Variants in SLC9A7 observed in about 807,000 individuals in gnomAD.
SLC9A7 encodes the protein sodium/hydrogen exchanger 7.
SLC9A7 carries 19 observed loss-of-function variants against 52.6 expected under a neutral mutation model. The ratio of observed to expected loss-of-function variants is 0.36; its 90% CI spans 0.25 to 0.53. The LOEUF is 0.53. Among genes scored for constraint, SLC9A7 ranks in the 20% least tolerant of loss-of-function variants. The pLI, the probability that SLC9A7 is intolerant of heterozygous loss-of-function variation, is 0.91. For missense variants in SLC9A7, 455 were observed against 597.9 expected, an observed-to-expected ratio of 0.76 and a Z score of 2.49; for synonymous variants, 226 against 252.1, an observed-to-expected ratio of 0.90 and a Z score of 0.98.
intron 14 of SLC9A7, among the ~76,000 whole-genome samples, chrX:46,627,214 C>T (rs773263623): frequency 9.7e-4 from 107 of 110,025 alleles, no homozygotes; most frequent in Middle Eastern, 4.6e-3. Flanking sequence ...CTCAGGAGGC[C>T]GAGGGAGGAG....
chrX:46,668,325 C>G (rs1943955515), intron 5 of SLC9A7, among the ~76,000 whole-genome samples: 1 of 111,261 alleles, frequency 9.0e-6, no homozygotes, highest in African/African-American at 3.3e-5. Flanking sequence ...GACTGACCAA[C>G]ATGGAGAAAC....
chrX:46,600,729 G>A lies in SLC9A7; in HGVS notation c.*6223C>T, dbSNP rs993830537. On this transcript the variant is annotated 3_prime_UTR_variant, in exon 17 of 17. Coordinates refer to ENST00000616978, the MANE Select transcript of SLC9A7 (RefSeq NM_001257291.2). ...CTTGTTTTGAAAGGATTGTTGATGA[G>A]TCTACTTGCTTTTCCTAGTTAAGAC... 1 of 112,133 alleles carries A rather than the reference G, an allele frequency of 8.9e-6. No individual in the cohort carries two copies. Among genetic ancestry groups the A allele is most frequent in the Non-Finnish European group, 1.9e-5 (1 of 53,243 alleles). The allele number at this position is 112,133 out of a possible 1,213,427, so 9.2% of individuals were successfully genotyped here. A position where few individuals can be genotyped will look rare whatever the true frequency, so the allele number is the denominator to read the frequency against.
At chrX:46,620,360 G>A (rs1943025324) in intron 15 of SLC9A7, among the ~76,000 whole-genome samples, 1 of 111,785 alleles carries the variant, frequency 8.9e-6, no homozygotes, top group Admixed American at 9.5e-5. Context: ...GGGGAAGGTT[G>A]CAGTGAGCTG....
rs1426128895 is a variant in SLC9A7 at position 46,746,724 on chromosome X, C to CACAA, written c.325+11980_325+11981insTTGT. Among the ~76,000 whole-genome samples the CACAA allele has an allele frequency of 2.7e-5, 3 of 112,279 alleles. No homozygotes were observed. In the Admixed American group the frequency reaches 2.8e-4, roughly 11 times the overall value. ...ATATTAATACAATCACTATGGAGAA[C>CACAA]AGTTTGGAGGTTCCTCAAGAACTAA... On this transcript the variant is annotated intron_variant, in intron 1 of 16. Coordinates refer to ENST00000616978, the MANE Select transcript of SLC9A7 (RefSeq NM_001257291.2).
intron 5 of SLC9A7, among the ~76,000 whole-genome samples, chrX:46,665,811 T>C (rs1294502251): frequency 9.2e-6 from 1 of 108,666 alleles, no homozygotes; most frequent in East Asian, 2.9e-4. Flanking sequence ...GTGGCATGTG[T>C]TCTCTGGTGG....
At chrX:46,637,073 TTAATA>T (rs1303919632) in intron 12 of SLC9A7, among the ~76,000 whole-genome samples, 1 of 112,477 alleles carries the variant, frequency 8.9e-6, no homozygotes, top group Non-Finnish European at 1.9e-5. Flanking sequence ...ATTAATACTA[TTAATA>T]TAACAGCTAA....
intron 2 of SLC9A7, among the ~76,000 whole-genome samples, chrX:46,681,685 A>G (rs1440833735): frequency 8.9e-6 from 1 of 112,029 alleles, no homozygotes; most frequent in Non-Finnish European, 1.9e-5. Flanking sequence ...AATGGAGTAT[A>G]CATCAATTAA....
At chrX:46,636,725 G>A (rs1312745595) in intron 12 of SLC9A7, among the ~76,000 whole-genome samples, 1 of 111,311 alleles carries the variant, frequency 9.0e-6, no homozygotes, top group Admixed American at 9.5e-5. Context: ...GCAGATCTGT[G>A]ATATTCAAAT....
intron 12 of SLC9A7, among the ~76,000 whole-genome samples, chrX:46,640,935 G>A (rs1396297201): frequency 8.9e-6 from 1 of 112,128 alleles, no homozygotes; most frequent in Non-Finnish European, 1.9e-5. Context: ...CACTGCTGGT[G>A]GGAATGTACA....
intron 14 of SLC9A7, among the ~76,000 whole-genome samples, chrX:46,630,170 G>T (rs1693632414): frequency 9.0e-6 from 1 of 111,413 alleles, no homozygotes. Context: ...CACCCTTAAA[G>T]AGAAAGAAAC....
chrX:46,732,553 GA>G (rs201154560), intron 1 of SLC9A7, among the ~76,000 whole-genome samples: 2,235 of 89,266 alleles, frequency 0.025, 55 homozygotes, highest in African/African-American at 0.08. Flanking sequence ...ACTGTCTCAA[GA>G]AAAAAAAAAA....
chrX:46,672,757 A>T, intron 3 of SLC9A7, 130 bp from the exon 4 acceptor site: 2 of 471,929 alleles, frequency 4.2e-6, no homozygotes, highest in Non-Finnish European at 7.2e-6. Context: ...GTAACAACTG[A>T]AGTTACTCCT....
At position 46,611,264 on chromosome X, in the gene SLC9A7, CCTT is replaced by C. The variant is rs776617672; in HGVS notation, c.1929+2022_1929+2024del. On this transcript the variant is annotated intron_variant, in intron 16 of 16. Coordinates refer to ENST00000616978, the MANE Select transcript of SLC9A7 (RefSeq NM_001257291.2). ...AAGTTTTTAATCTATTGGTTTGTGT[CCTT>C]CTAACCTAACAGGTAACTAGCATTA... 9.3e-4 allele frequency among the ~76,000 whole-genome samples: 104 copies of C among 112,130 alleles called. 1 individual carries two copies. Among genetic ancestry groups the C allele is most frequent in the African/African-American group, 3.3e-3 (101 of 30,897 alleles).
At chrX:46,683,214 A>G (rs756123627) in intron 1 of SLC9A7, among the ~76,000 whole-genome samples, 3 of 109,781 alleles carry the variant, frequency 2.7e-5, no homozygotes, top group Non-Finnish European at 3.8e-5. Context: ...CCAGGACAGC[A>G]CAAAGCAGAA....
intron 14 of SLC9A7, among the ~76,000 whole-genome samples, chrX:46,627,947 C>T (rs1438242394): frequency 8.9e-6 from 1 of 112,079 alleles, no homozygotes; most frequent in Non-Finnish European, 1.9e-5. Flanking sequence ...TTCTAACTTG[C>T]TCAGAAAGTC....
intron 3 of SLC9A7, 137 bp from the exon 4 acceptor site, chrX:46,672,764 T>C (rs1377965247): frequency 2.2e-6 from 1 of 450,886 alleles, no homozygotes; most frequent in Admixed American, 4.0e-5. Flanking sequence ...CTGAAGTTAC[T>C]CCTATATGGT....
chrX:46,615,541 A>C (rs1417256853), intron 15 of SLC9A7, among the ~76,000 whole-genome samples: 1 of 109,824 alleles, frequency 9.1e-6, no homozygotes, highest in Non-Finnish European at 1.9e-5. Context: ...GAACTCAGAG[A>C]CTGCTTTTCA....
chrX:46,701,167 T>C (rs903613833), intron 1 of SLC9A7, among the ~76,000 whole-genome samples: 1 of 112,014 alleles, frequency 8.9e-6, no homozygotes, highest in Non-Finnish European at 1.9e-5. Flanking sequence ...TTAGAAGTTT[T>C]ATCATAGGCA....
Position 46,651,356 on chromosome X carries a change from T to C in SLC9A7, c.1196A>G (p.Tyr399Cys). ...FCGITQAHYT[Y>C]NNLSVESRSR... The stretch of plus-strand genomic sequence containing the variant: ...TCTTGATTCCACCGACAGATTGTTG[T>C]AGGTGTAATGAGCTTGTGTGATTCC... Residue 399 changes from tyrosine (Y) to cysteine (C), a missense_variant, in exon 9 of 17, where the codon TAC becomes TGC. Physicochemically the swap from Tyr to Cys is radical, Grantham distance 194. Coordinates refer to ENST00000616978, the MANE Select transcript of SLC9A7 (RefSeq NM_001257291.2). The C allele has an allele frequency of 8.3e-7, 1 of 1,209,101 alleles. No individual in the cohort carries two copies. The highest frequency in any genetic ancestry group is 3.0e-5 in the East Asian group (1 of 33,807).
Sources: allele counts gnomAD v4.1 joint callset (sites outside exome capture counted in the v4.1 genomes callset), GRCh38; gene constraint gnomAD v4.1.1; transcripts MANE v1.5; gene names NCBI Gene and HGNC (gene_info 2026-07-23, HGNC 2026-07-21).